FLRT1: variants seen among roughly 807,000 people sequenced by gnomAD.
The protein encoded by FLRT1 is leucine-rich repeat transmembrane protein FLRT1.
A neutral mutation model predicts 30.9 loss-of-function variants in FLRT1; 14 were observed. The ratio of observed to expected loss-of-function variants is 0.45; its 90% confidence interval spans 0.30 to 0.71. FLRT1 has a LOEUF of 0.71. Among genes scored for constraint, FLRT1 ranks in the 30% least tolerant of loss-of-function variants. The pLI is 0.08. For missense variants in FLRT1, 737 were observed against 949.2 expected (o/e 0.78, Z 2.94); for synonymous variants, 368 against 430.4 (o/e 0.85, Z 1.80).
chr11:64,073,489 G>C (rs1485321436), intron 1 of FLRT1, among the ~76,000 whole-genome samples: 4 of 152,252 alleles, frequency 2.6e-5, no homozygotes, highest in African/African-American at 7.2e-5. Context: ...GAAACTGGAG[G>C]TTGGTGGAAG....
At chr11:64,057,334 G>A (rs1370707730) in intron 1 of FLRT1, among the ~76,000 whole-genome samples, 1 of 152,218 alleles carries the variant, frequency 6.6e-6, no homozygotes, top group Non-Finnish European at 1.5e-5. Context: ...CATCCACCCT[G>A]TATGTGCACA....
At chr11:64,092,783 A>T (rs921943270) in intron 1 of FLRT1, among the ~76,000 whole-genome samples, 1 of 152,240 alleles carries the variant, frequency 6.6e-6, no homozygotes, top group African/African-American at 2.4e-5. Flanking sequence ...GGGTGCATGA[A>T]CACCCACAGC....
At chr11:64,085,368 A>T (rs1565225441) in intron 1 of FLRT1, among the ~76,000 whole-genome samples, 1 of 152,190 alleles carries the variant, frequency 6.6e-6, no homozygotes, top group African/African-American at 2.4e-5. Flanking sequence ...ATTCGTGCTA[A>T]TATTTCTCTG....
At chr11:64,037,690 C>T (rs1445059837) in intron 1 of FLRT1, among the ~76,000 whole-genome samples, 1 of 152,134 alleles carries the variant, frequency 6.6e-6, no homozygotes, top group African/African-American at 2.4e-5. Context: ...CTTTCCCAGA[C>T]ACAGAGACTG....
chr11:64,085,949 G>A (rs1168623508), intron 1 of FLRT1, among the ~76,000 whole-genome samples: 2 of 127,824 alleles, frequency 1.6e-5, no homozygotes, highest in Non-Finnish European at 3.2e-5. Context: ...CCCTTCCTGC[G>A]CCCCCAGCCC....
At chr11:64,105,840 C>T (rs1426392013) in intron 2 of FLRT1, among the ~76,000 whole-genome samples, 3 of 152,194 alleles carry the variant, frequency 2.0e-5, no homozygotes, top group African/African-American at 7.2e-5. Flanking sequence ...GGCTCTGTCT[C>T]CACCCTGAGC....
intron 1 of FLRT1, among the ~76,000 whole-genome samples, chr11:64,089,872 C>T (rs150029710): frequency 3.3e-5 from 5 of 152,254 alleles, no homozygotes; most frequent in Non-Finnish European, 7.4e-5. Context: ...GTGCTGGAGT[C>T]GAGACCAGCT....
chr11:64,045,345 A>C (rs1181183869), intron 1 of FLRT1, among the ~76,000 whole-genome samples: 2 of 151,976 alleles, frequency 1.3e-5, no homozygotes, highest in African/African-American at 4.8e-5. Context: ...AAGCTTTTTC[A>C]TTGTTCCCCG....
At chr11:64,048,204 C>T (rs1011687636) in intron 1 of FLRT1, among the ~76,000 whole-genome samples, 2 of 152,216 alleles carry the variant, frequency 1.3e-5, no homozygotes, top group Non-Finnish European at 2.9e-5. Context: ...TTGTGAGAGC[C>T]GGGGGCCTTC....
In FLRT1 at chr11:64,117,744, C is replaced by T. The variant is rs1945017970; in HGVS notation, c.1477C>T (p.Leu493=). The part of the protein sequence containing the change: ...TLVQGDKTEY[L]LTALEPKSTY... ...GGTGCAGGGGGACAAGACAGAGTACCTGCTGACAGCCCTGGAGCCCAAGTC... is the reference window on the plus strand; with the variant it reads ...GGTGCAGGGGGACAAGACAGAGTACTTGCTGACAGCCCTGGAGCCCAAGTC... The change falls in exon 3 of 3, where the codon CTG becomes TTG. Residue 493 remains leucine, a synonymous_variant. Coordinates refer to ENST00000682287, the MANE Select transcript of FLRT1 (RefSeq NM_013280.5). 6.2e-7 allele frequency: 1 copy of T among 1,613,884 alleles called. No individual in the cohort carries two copies. Among genetic ancestry groups the T allele is most frequent in the Non-Finnish European group, 8.5e-7 (1 of 1,180,048 alleles).
chr11:64,092,889 A>G (rs1429316912), intron 1 of FLRT1, among the ~76,000 whole-genome samples: 1 of 152,222 alleles, frequency 6.6e-6, no homozygotes, highest in African/African-American at 2.4e-5. Context: ...GAGTGAACAA[A>G]CTTCAATTGG....
intron 1 of FLRT1, among the ~76,000 whole-genome samples, chr11:64,045,160 G>C (rs1943560300): frequency 6.6e-6 from 1 of 152,086 alleles, no homozygotes; most frequent in Non-Finnish European, 1.5e-5. Flanking sequence ...CCCAGATGCT[G>C]GCCTGTGACG....
intron 1 of FLRT1, among the ~76,000 whole-genome samples, chr11:64,078,572 G>A (rs1944246307): frequency 6.6e-6 from 1 of 152,206 alleles, no homozygotes. Context: ...GCGCGGCCCT[G>A]TGCCCCACAG....
chr11:64,054,424 A>G (rs1346561776), intron 1 of FLRT1, among the ~76,000 whole-genome samples: 6 of 152,150 alleles, frequency 3.9e-5, no homozygotes, highest in Admixed American at 3.9e-4. Context: ...CAAACACCGC[A>G]CTATAAATCC....
chr11:64,058,083 G>A (rs190495834), intron 1 of FLRT1, among the ~76,000 whole-genome samples: 214 of 152,344 alleles, frequency 1.4e-3, no homozygotes, highest in Middle Eastern at 6.8e-3. Context: ...GAACAATTGC[G>A]AACCCATTAC....
rs71045731 is a variant in FLRT1, at chr11:64,064,843, C to CTCATTCAT, written c.-1038+28710_-1038+28717dup. 6.7e-3 allele frequency among the ~76,000 whole-genome samples: 1,002 copies of CTCATTCAT among 150,442 alleles called. 6 individuals carry two copies. The highest frequency in any genetic ancestry group is 0.015 in the African/African-American group (629 of 40,868). ...CAAGAGGCTAGAGTTTCACAAGGAC[C>CTCATTCAT]TCATTCATTCATTCATTCATTCATT... On this transcript the variant is annotated intron_variant, in intron 1 of 2. Transcript: ENST00000682287. This position sits in a 1 kb window ranked among gnomAD's most constrained non-coding sequence, Gnocchi z 4.5.
chr11:64,055,891 G>A (rs1266809646), intron 1 of FLRT1, among the ~76,000 whole-genome samples: 1 of 152,140 alleles, frequency 6.6e-6, no homozygotes, highest in Non-Finnish European at 1.5e-5. Flanking sequence ...CAGGGCTTTT[G>A]GCAGGCAGGG....
chr11:64,066,441 C>G (rs1176785579), intron 1 of FLRT1, among the ~76,000 whole-genome samples: 10 of 151,332 alleles, frequency 6.6e-5, no homozygotes, highest in Non-Finnish European at 1.3e-4. Flanking sequence ...AGCAAGAACC[C>G]CGCTATCTCT....
intron 1 of FLRT1, among the ~76,000 whole-genome samples, chr11:64,065,098 C>T (rs978390448): frequency 8.5e-5 from 13 of 152,170 alleles, no homozygotes; most frequent in African/African-American, 1.2e-4. Flanking sequence ...TCGGCGGCCT[C>T]GGAGAGACTT....
Sources: gnomAD v4.1 joint callset for allele counts (sites outside exome capture counted in the v4.1 genomes callset) on GRCh38, gnomAD v4.1.1 for gene constraint, Gnocchi (gnomAD v3.1) non-coding constraint, MANE v1.5 for transcripts, NCBI Gene and HGNC (gene_info 2026-07-23, HGNC 2026-07-21) for gene names.